The following ANKRD44 variants were observed in gnomAD, a reference collection of about 807,000 sequenced individuals.
ANKRD44 encodes the protein serine/threonine-protein phosphatase 6 regulatory ankyrin repeat subunit B.
ANKRD44 carries 35 observed loss-of-function variants against 116.0 expected under a neutral mutation model. The ratio of observed to expected loss-of-function variants is 0.30; its 90% CI spans 0.23 to 0.40. The LOEUF is 0.40. Among genes scored for constraint, ANKRD44 ranks in the 10% least tolerant of loss-of-function variants. The pLI, the probability that ANKRD44 is intolerant of heterozygous loss-of-function variation, is 1.00. For synonymous variants in ANKRD44, 435 were observed against 461.8 expected, an observed-to-expected ratio of 0.94 and a Z score of 0.74; for missense variants, 1,014 against 1,242.6, an observed-to-expected ratio of 0.82 and a Z score of 2.77.
At chr2:197,148,444 G>A (rs982482222) in intron 2 of ANKRD44, among the ~76,000 whole-genome samples, 1 of 152,186 alleles carries the variant, frequency 6.6e-6, no homozygotes, top group Non-Finnish European at 1.5e-5. Flanking sequence ...AAACTAGCAT[G>A]TATGTTAGTT....
At chr2:197,231,959 A>C (rs1356491359) in intron 1 of ANKRD44, among the ~76,000 whole-genome samples, 2 of 152,208 alleles carry the variant, frequency 1.3e-5, no homozygotes, top group African/African-American at 4.8e-5. Context: ...CACATAATAC[A>C]TGTCGAATAA....
intron 1 of ANKRD44, among the ~76,000 whole-genome samples, chr2:197,305,964 G>T (rs7592748): frequency 8.6e-6 from 1 of 116,758 alleles, no homozygotes; most frequent in African/African-American, 4.1e-5. Context: ...ACCGCAGTTC[G>T]TTTTATATAT....
At chr2:197,040,416 A>G (rs1290047215) in intron 16 of ANKRD44, among the ~76,000 whole-genome samples, 3 of 122,970 alleles carry the variant, frequency 2.4e-5, no homozygotes, top group Non-Finnish European at 3.2e-5. Flanking sequence ...TCACTCTGTC[A>G]CCCAGGCTGG....
intron 16 of ANKRD44, among the ~76,000 whole-genome samples, chr2:197,036,120 C>T (rs1294640928): frequency 6.6e-6 from 1 of 152,110 alleles, no homozygotes; most frequent in African/African-American, 2.4e-5. Context: ...TTGTTATTAA[C>T]AACAATTACC....
At position 196,988,690 on chromosome 2, in the gene ANKRD44, C is replaced by T. The variant is rs2075867058; in HGVS notation, c.*901G>A. 2 of 985,196 alleles carry T rather than the reference C, an allele frequency of 2.0e-6. No homozygotes were observed. The highest frequency in any genetic ancestry group is 6.2e-5 in the Admixed American group (1 of 16,258). 61.0% of individuals were successfully genotyped at this position (985,196 alleles called of 1,614,324 possible). A position where few individuals can be genotyped will look rare whatever the true frequency, so the allele number is the denominator to read the frequency against. On this transcript the variant is annotated 3_prime_UTR_variant, in exon 28 of 28. Transcript: ENST00000282272. ...AGCAATTTCCAGGGTGGAAATGGAA[C>T]TCATTATAAAACGTCAGAGAGTACT...
At chr2:197,028,635 C>T (rs1170759325) in intron 16 of ANKRD44, 2 of 155,328 alleles carry the variant, frequency 1.3e-5, no homozygotes, top group Non-Finnish European at 2.8e-5. Flanking sequence ...TCTTCACTGC[C>T]TCTTTGATAA....
chr2:197,169,694 C>G (rs570306589), intron 2 of ANKRD44, among the ~76,000 whole-genome samples: 9 of 152,266 alleles, frequency 5.9e-5, no homozygotes, highest in Non-Finnish European at 1.2e-4. Context: ...CAGGCCCCAC[C>G]CTGGACCTCC....
intron 16 of ANKRD44, among the ~76,000 whole-genome samples, chr2:197,043,502 C>T (rs745796151): frequency 7.2e-5 from 11 of 152,054 alleles, no homozygotes; most frequent in South Asian, 2.1e-4. Context: ...GCCACCCTGA[C>T]GAGGCTTTAT....
Position 197,045,730 on chromosome 2 carries a change from T to C in ANKRD44, c.1651-20463A>G, listed in dbSNP as rs183144594. Among the ~76,000 whole-genome samples the C allele has an allele frequency of 5.9e-5, 9 of 152,326 alleles. No individual in the cohort carries two copies. The South Asian group carries it at 6.2e-4, about 11-fold the overall frequency. Reference sequence around the variant, plus strand: ...GTGCTGACAAATGTTTTCTTTTCCATTGACTTTTTATATAACTTCTAAATA... The same window carrying C: ...GTGCTGACAAATGTTTTCTTTTCCACTGACTTTTTATATAACTTCTAAATA... On this transcript the variant is annotated intron_variant, in intron 16 of 27. Transcript: ENST00000282272.
At chr2:197,012,194 CAGG>C (rs1373510110) in intron 18 of ANKRD44, among the ~76,000 whole-genome samples, 1 of 152,182 alleles carries the variant, frequency 6.6e-6, no homozygotes, top group East Asian at 1.9e-4. Context: ...TAGTGAATGA[CAGG>C]AGGAAAATCC....
intron 1 of ANKRD44, among the ~76,000 whole-genome samples, chr2:197,193,649 G>A (rs1050819252): frequency 2.0e-5 from 3 of 152,270 alleles, no homozygotes; most frequent in Non-Finnish European, 4.4e-5. Flanking sequence ...GGAGGCCGAG[G>A]AGGGTGGATC....
intron 1 of ANKRD44, among the ~76,000 whole-genome samples, chr2:197,265,231 T>C (rs969331654): frequency 1.7e-4 from 25 of 151,262 alleles, no homozygotes; most frequent in African/African-American, 6.1e-4. Context: ...GCACTTTTTT[T>C]CTTTTTTTTT....
At position 196,988,598 on chromosome 2, in the gene ANKRD44, G is replaced by T; in HGVS notation, c.*993C>A. On this transcript the variant is annotated 3_prime_UTR_variant, in exon 28 of 28. Coordinates refer to ENST00000282272, the MANE Select transcript of ANKRD44 (RefSeq NM_001195144.2). ...ATAGCTAGATGAAAAATATAATACA[G>T]TTATCTGTCTTTGATCCAGATATGA... 1.0e-6 allele frequency: 1 copy of T among 983,266 alleles called. No individual in the cohort carries two copies. The highest frequency in any genetic ancestry group is 1.7e-5 in the African/African-American group (1 of 57,288). The allele number at this position is 983,266 out of a possible 1,614,324, so 60.9% of individuals were successfully genotyped here.
chr2:197,099,398 C>G, intron 10 of ANKRD44: 1 of 499,120 alleles, frequency 2.0e-6, no homozygotes, highest in Non-Finnish European at 2.6e-6. Flanking sequence ...TCAGGTTCCC[C>G]CTTCCCTACA....
At chr2:197,067,986 A>G (rs1040096772) in intron 16 of ANKRD44, among the ~76,000 whole-genome samples, 31 of 151,160 alleles carry the variant, frequency 2.1e-4, no homozygotes, top group Admixed American at 4.0e-4. Context: ...GATAGACTGG[A>G]TTAAGAAAAT....
At chr2:197,268,555 GA>G (rs1297808594) in intron 1 of ANKRD44, among the ~76,000 whole-genome samples, 1 of 152,218 alleles carries the variant, frequency 6.6e-6, no homozygotes, top group East Asian at 1.9e-4. Flanking sequence ...AAAATCCAGA[GA>G]GGAAAGGAAT....
downstream of ANKRD44, among the ~76,000 whole-genome samples, chr2:196,983,182 TTAAAA>T (rs980675424): frequency 5.3e-5 from 8 of 151,620 alleles, no homozygotes; most frequent in Admixed American, 3.3e-4. Flanking sequence ...ACCCCAGAAC[TTAAAA>T]TAAAAATAAA....
At chr2:197,133,235 G>A (rs920053219) in intron 4 of ANKRD44, among the ~76,000 whole-genome samples, 1 of 152,172 alleles carries the variant, frequency 6.6e-6, no homozygotes, top group Non-Finnish European at 1.5e-5. Flanking sequence ...AACTCCTTCT[G>A]CAAGTCACCC....
At chr2:197,297,724 A>G (rs1254463748) in intron 1 of ANKRD44, among the ~76,000 whole-genome samples, 1 of 152,216 alleles carries the variant, frequency 6.6e-6, no homozygotes, top group East Asian at 1.9e-4. Flanking sequence ...AGATGCCACA[A>G]TATTTTAAAA....
Sources: allele counts gnomAD v4.1 joint callset (sites outside exome capture counted in the v4.1 genomes callset), GRCh38; gene constraint gnomAD v4.1.1; transcripts MANE v1.5; gene names NCBI Gene and HGNC (gene_info 2026-07-23, HGNC 2026-07-21).